The following MIS18BP1 variants were observed in gnomAD, a reference collection of about 807,000 sequenced individuals.
MIS18BP1 encodes mis18-binding protein 1.
Under a neutral mutation model 116.1 loss-of-function variants are expected in MIS18BP1, and 72 were observed. The observed-to-expected ratio is 0.62, with a 90% CI of 0.51 to 0.75. The LOEUF (loss-of-function observed/expected upper bound fraction) is 0.75. Ranked by LOEUF, MIS18BP1 falls within the 30% of genes least tolerant of loss-of-function variation. MIS18BP1 has a pLI of 0.00. For missense variants in MIS18BP1, 1,363 were observed against 1,303.2 expected (o/e 1.05, Z -0.71); for synonymous variants, 386 against 427.0 (o/e 0.90, Z 1.18).
At position 45,242,225 on chromosome 14, in the gene MIS18BP1, C is replaced by T; in HGVS notation, c.952G>A (p.Val318Ile). 6.2e-7 allele frequency: 1 copy of T among 1,614,130 alleles called. No homozygotes were observed. Among genetic ancestry groups the T allele is most frequent in the Non-Finnish European group, 8.5e-7 (1 of 1,180,004 alleles). ...RTTEGTSQQK[V>I]KEGNGKTVPG... ...ACTGTTTTTCCATTTCCTTCCTTAACTTTCTGTTGCGAAGTCCCTTCTGTT... is the reference window on the plus strand; with the variant it reads ...ACTGTTTTTCCATTTCCTTCCTTAATTTTCTGTTGCGAAGTCCCTTCTGTT... Residue 318 changes from valine to isoleucine, a missense_variant, in exon 4 of 17, where the codon GTT (valine) becomes ATT (isoleucine). Physicochemically the swap from Val to Ile is conservative, Grantham distance 29 (BLOSUM62 3). Transcript: ENST00000310806.
intron 13 of MIS18BP1, among the ~76,000 whole-genome samples, chr14:45,215,354 A>G (rs1890786470): frequency 6.6e-6 from 1 of 152,234 alleles, no homozygotes; most frequent in Admixed American, 6.5e-5. Flanking sequence ...GCTCACTAAC[A>G]CAACTGTTTG....
At chr14:45,248,062 T>TTTC (rs1412804981) in intron 1 of MIS18BP1, among the ~76,000 whole-genome samples, 1 of 150,036 alleles carries the variant, frequency 6.7e-6, no homozygotes, top group Non-Finnish European at 1.5e-5. Context: ...TTCGTTTTTT[T>TTTC]TTTTTTTTTT....
intron 11 of MIS18BP1, among the ~76,000 whole-genome samples, chr14:45,222,993 T>C (rs1054356163): frequency 3.3e-5 from 5 of 152,194 alleles, no homozygotes; most frequent in African/African-American, 9.6e-5. Context: ...GTTTTAGATA[T>C]ATCTCAGCCC....
At chr14:45,242,735 C>CTTAAGTATATTGTT in intron 3 of MIS18BP1, 26 bp downstream of exon 3, 1 of 1,576,008 alleles carries the variant, frequency 6.3e-7, no homozygotes, top group Non-Finnish European at 8.7e-7. Context: ...AAGTAACAAA[C>CTTAAGTATATTGTT]TGAAAACAAA....
chr14:45,239,061 C>T (rs564836143), intron 4 of MIS18BP1, among the ~76,000 whole-genome samples: 54 of 152,248 alleles, frequency 3.5e-4, no homozygotes, highest in South Asian at 1.0e-3. Flanking sequence ...GATATATCAA[C>T]GCACCAGTCA....
intron 1 of MIS18BP1, among the ~76,000 whole-genome samples, chr14:45,249,075 T>G (rs1255394089): frequency 3.4e-5 from 4 of 118,002 alleles, no homozygotes; most frequent in Non-Finnish European, 5.5e-5. Flanking sequence ...CTCAGCTATG[T>G]TTTTTTTTTT....
chr14:45,235,590 C>CAA lies in MIS18BP1; in HGVS notation c.1348+222_1348+223dup, dbSNP rs77272289. Among the ~76,000 whole-genome samples, 384 of 68,574 alleles carry CAA rather than the reference C, an allele frequency of 5.6e-3. 2 individuals are homozygous for CAA. The highest frequency in any genetic ancestry group is 0.025 in the Middle Eastern group (3 of 122). 45.0% of individuals were successfully genotyped at this position (68,574 alleles called of 152,430 possible). A position where few individuals can be genotyped will look rare whatever the true frequency, so the allele number is the denominator to read the frequency against. ...GGGTGACAGAGCAAGACTCCATTTC[C>CAA]AAAAAAAAAAAAAAAAACAAAAACA... On this transcript the variant is annotated intron_variant, in intron 6 of 16. Coordinates refer to ENST00000310806, the MANE Select transcript of MIS18BP1 (RefSeq NM_018353.5).
At chr14:45,226,147 T>C (rs1009367896) in intron 10 of MIS18BP1, among the ~76,000 whole-genome samples, 2 of 152,198 alleles carry the variant, frequency 1.3e-5, no homozygotes, top group Non-Finnish European at 2.9e-5. Flanking sequence ...AATAAATTAT[T>C]TAATAAAGAT....
chr14:45,247,002 T>C lies in MIS18BP1; in HGVS notation c.285A>G (p.Ile95Met), dbSNP rs761998586. The change falls in exon 2 of 17, where the codon ATA (isoleucine) becomes ATG (methionine). Residue 95 changes from isoleucine to methionine, a missense_variant. Transcript: ENST00000310806. ...TTTTTAATCCATCCTTGTTGGGCTT[T>C]ATAGCACTGATATCAAGAGAACTGT... ...TSNSSLDISA[I>M]KPNKDGLKNK... is the part of the protein sequence containing the mutation. 1.2e-6 allele frequency: 2 copies of C among 1,613,352 alleles called. No individual in the cohort carries two copies. The highest frequency in any genetic ancestry group is 1.1e-5 in the South Asian group (1 of 90,874).
At chr14:45,210,220 T>A in intron 14 of MIS18BP1, 160 bp downstream of exon 14, 1 of 678,764 alleles carries the variant, frequency 1.5e-6, no homozygotes, top group Non-Finnish European at 2.4e-6. Context: ...CACCCCGATT[T>A]GATGAACTTG....
At chr14:45,212,345 G>T (rs536715921) in intron 13 of MIS18BP1, among the ~76,000 whole-genome samples, 1 of 152,092 alleles carries the variant, frequency 6.6e-6, no homozygotes, top group South Asian at 2.1e-4. Context: ...CATAAACACC[G>T]TTAGCTTCCT....
chr14:45,221,632 T>C (rs1178455826), intron 11 of MIS18BP1, among the ~76,000 whole-genome samples: 2 of 152,230 alleles, frequency 1.3e-5, no homozygotes, highest in Admixed American at 1.3e-4. Context: ...TTGTATGATT[T>C]CAGCTATTTT....
chr14:45,221,226 C>G (rs757462833), intron 11 of MIS18BP1, among the ~76,000 whole-genome samples: 2 of 152,090 alleles, frequency 1.3e-5, no homozygotes, highest in Non-Finnish European at 2.9e-5. Context: ...ATCACGAGGT[C>G]AGGAGATCGA....
chr14:45,211,289 C>G (rs947617146), intron 13 of MIS18BP1, among the ~76,000 whole-genome samples: 6 of 152,160 alleles, frequency 3.9e-5, no homozygotes, highest in Non-Finnish European at 7.3e-5. Context: ...CTCCAGAATT[C>G]TCTCCCCAGT....
rs751222387 is a variant in MIS18BP1, at chr14:45,231,190, A to C, written c.1545T>G (p.Asp515Glu). 6.2e-6 allele frequency: 10 copies of C among 1,614,008 alleles called. No individual in the cohort carries two copies. Among genetic ancestry groups the C allele is most frequent in the Non-Finnish European group, 8.5e-6 (10 of 1,179,946 alleles). The change falls in exon 8 of 17, where the codon GAT becomes GAG. Residue 515 changes from aspartate (D) to glutamate (E), a missense_variant. By Grantham distance (45) the Asp-to-Glu change is conservative. Transcript: ENST00000310806. Reference protein sequence around the residue: ...MKNDARENQTDTAQRATTTYD... With the variant: ...MKNDARENQTETAQRATTTYD... ...AAGTGGTGGTGGCTCTTTGAGCAGT[A>C]TCTGTTTGGTTTTCTCGTGCATCAT...
At chr14:45,250,986 G>A (rs1891856729) in intron 1 of MIS18BP1, among the ~76,000 whole-genome samples, 1 of 137,868 alleles carries the variant, frequency 7.3e-6, no homozygotes, top group Non-Finnish European at 1.5e-5. Context: ...GCAGTGAGCC[G>A]ACATCGCGCC....
intron 3 of MIS18BP1, 110 bp downstream of exon 3, chr14:45,242,651 A>C: frequency 6.9e-7 from 1 of 1,459,488 alleles, no homozygotes; most frequent in South Asian, 1.4e-5. Context: ...TTTACGATTC[A>C]AGCTTTTGTC....
At chr14:45,215,220 G>T (rs1890782772) in intron 13 of MIS18BP1, among the ~76,000 whole-genome samples, 1 of 151,946 alleles carries the variant, frequency 6.6e-6, no homozygotes, top group African/African-American at 2.4e-5. Context: ...TATAATCAGT[G>T]TAAGCAAAAA....
At chr14:45,218,496 C>A in intron 11 of MIS18BP1, 42 bp from the exon 12 acceptor site, 1 of 1,535,618 alleles carries the variant, frequency 6.5e-7, no homozygotes, top group East Asian at 2.3e-5. Flanking sequence ...GAAATTCAAA[C>A]CAATGACAAT....
Sources: gnomAD v4.1 joint callset for allele counts (sites outside exome capture counted in the v4.1 genomes callset) on GRCh38, gnomAD v4.1.1 for gene constraint, MANE v1.5 for transcripts, NCBI Gene and HGNC (gene_info 2026-07-23, HGNC 2026-07-21) for gene names.